VAPB: variants seen among roughly 807,000 people sequenced by gnomAD.
The protein encoded by VAPB is VAMP associated protein B and C.
Under a neutral mutation model 25.6 loss-of-function variants are expected in VAPB, and 7 were observed. The observed-to-expected ratio is 0.27, with a 90% confidence interval of 0.16 to 0.51. The LOEUF is 0.51. Ranked by LOEUF, VAPB falls within the 20% of genes least tolerant of loss-of-function variation. The pLI is 0.97. For synonymous variants in VAPB, 112 were observed against 109.2 expected (o/e 1.03, Z -0.16); for missense variants, 266 against 301.3 (o/e 0.88, Z 0.87).
In VAPB at chr20:58,445,829, G is replaced by A. The variant is rs889424965; in HGVS notation, c.*1594G>A. ...CCATTGCTTTGGCCTTCAGTAAAAA[G>A]CAGCCTCCCTTCTAGGTCAGGGAAC... On this transcript the variant is annotated 3_prime_UTR_variant, in exon 6 of 6. Transcript: ENST00000475243. The A allele has an allele frequency of 4.4e-6, 2 of 453,868 alleles. No homozygotes were observed. Among genetic ancestry groups the A allele is most frequent in the African/African-American group, 2.0e-5 (1 of 50,022 alleles). The allele number at this position is 453,868 out of a possible 1,614,324, so 28.1% of individuals were successfully genotyped here.
rs1382494892 is a variant in VAPB at position 58,445,545 on chromosome 20, A to G, written c.*1310A>G. On this transcript the variant is annotated 3_prime_UTR_variant, in exon 6 of 6. Coordinates refer to ENST00000475243, the MANE Select transcript of VAPB (RefSeq NM_004738.5). The stretch of plus-strand genomic sequence containing the variant: ...AGAAAAATTATAATAAAGCCCCAAA[A>G]TTAAGAATTCTTTTGTCATTTTGTC... 3 of 454,376 alleles carry G rather than the reference A, an allele frequency of 6.6e-6. No homozygotes were observed. Among genetic ancestry groups the G allele is most frequent in the Non-Finnish European group, 8.8e-6 (2 of 226,750 alleles). 28.1% of individuals were successfully genotyped at this position (454,376 alleles called of 1,614,324 possible). A position where few individuals can be genotyped will look rare whatever the true frequency, so the allele number is the denominator to read the frequency against.
rs569631620 is a variant in VAPB, at chr20:58,450,395, G to C, written c.*6160G>C. Reference sequence around the variant, plus strand: ...ATGAGGTGCTGCGAAATTAGTGGGCGTGGCTTTTTATATTTTTCATTCGTG... The same window carrying C: ...ATGAGGTGCTGCGAAATTAGTGGGCCTGGCTTTTTATATTTTTCATTCGTG... On this transcript the variant is annotated 3_prime_UTR_variant, in exon 6 of 6. Transcript: ENST00000475243. The C allele has an allele frequency of 2.2e-6, 1 of 453,838 alleles. No homozygotes were observed. Among genetic ancestry groups the C allele is most frequent in the Non-Finnish European group, 4.4e-6 (1 of 226,742 alleles). The allele number at this position is 453,838 out of a possible 1,614,324, so 28.1% of individuals were successfully genotyped here. A position where few individuals can be genotyped will look rare whatever the true frequency, so the allele number is the denominator to read the frequency against.
At chr20:58,423,367 G>A (rs1245661689) in intron 2 of VAPB, among the ~76,000 whole-genome samples, 3 of 118,634 alleles carry the variant, frequency 2.5e-5, no homozygotes, top group African/African-American at 9.9e-5. Context: ...AGCCAAGATC[G>A]CGCCATTGCA....
At chr20:58,415,569 G>A (rs1367029233) in intron 1 of VAPB, among the ~76,000 whole-genome samples, 4 of 152,258 alleles carry the variant, frequency 2.6e-5, no homozygotes, top group African/African-American at 7.2e-5. Context: ...AGTGTATGCT[G>A]TGGTTCTAGA....
At chr20:58,393,569 A>G (rs1398611356) in intron 1 of VAPB, among the ~76,000 whole-genome samples, 2 of 152,072 alleles carry the variant, frequency 1.3e-5, no homozygotes, top group Non-Finnish European at 2.9e-5. Context: ...CTTCCATGAG[A>G]GTCCATCTGT....
At chr20:58,439,080 C>T (rs758279769) in intron 4 of VAPB, 55 bp downstream of exon 4, 53 of 1,497,492 alleles carry the variant, frequency 3.5e-5, no homozygotes, top group Non-Finnish European at 4.6e-5. Flanking sequence ...TACTTATTTG[C>T]ATACCATTTC....
At chr20:58,414,685 C>T (rs1043977511) in intron 1 of VAPB, among the ~76,000 whole-genome samples, 7 of 151,896 alleles carry the variant, frequency 4.6e-5, no homozygotes, top group Admixed American at 2.0e-4. Flanking sequence ...GAAAGAGGCG[C>T]TCCTCACCTC....
At chr20:58,431,857 C>T (rs2123084460) in intron 2 of VAPB, among the ~76,000 whole-genome samples, 1 of 152,266 alleles carries the variant, frequency 6.6e-6, no homozygotes, top group South Asian at 2.1e-4. Context: ...CCATGCCTGG[C>T]AGCCCTTATC....
chr20:58,416,186 C>G (rs1477203124), intron 1 of VAPB, among the ~76,000 whole-genome samples: 2 of 152,070 alleles, frequency 1.3e-5, no homozygotes, highest in Non-Finnish European at 2.9e-5. Flanking sequence ...TATTGCTTGT[C>G]TTTTAATAGT....
chr20:58,424,619 T>C (rs1309009891), intron 2 of VAPB, among the ~76,000 whole-genome samples: 2 of 152,234 alleles, frequency 1.3e-5, no homozygotes, highest in African/African-American at 4.8e-5. Context: ...TTGAAAAGTA[T>C]GTTGGATTTT....
At chr20:58,392,497 G>C (rs997770222) in intron 1 of VAPB, among the ~76,000 whole-genome samples, 6 of 152,220 alleles carry the variant, frequency 3.9e-5, no homozygotes, top group Non-Finnish European at 8.8e-5. Context: ...GTCATGAGGT[G>C]TGTTGTTTGT....
intron 5 of VAPB, 129 bp from the exon 6 acceptor site, chr20:58,443,948 G>C (rs1989217169): frequency 7.3e-7 from 1 of 1,360,990 alleles, no homozygotes; most frequent in Non-Finnish European, 1.0e-6. Flanking sequence ...TTCTCCGTTT[G>C]CAAAATGCGG....
chr20:58,392,884 G>A (rs1987842733), intron 1 of VAPB, among the ~76,000 whole-genome samples: 1 of 152,220 alleles, frequency 6.6e-6, no homozygotes, highest in Non-Finnish European at 1.5e-5. Context: ...GTACTATGCT[G>A]CATCATAAAT....
chr20:58,421,971 C>A (rs896170302), intron 2 of VAPB, among the ~76,000 whole-genome samples: 1 of 152,172 alleles, frequency 6.6e-6, no homozygotes, highest in African/African-American at 2.4e-5. Context: ...TTCTTCAGAA[C>A]ACGGCAGATC....
In VAPB at chr20:58,450,890, T is replaced by C. The variant is rs1362711754; in HGVS notation, c.*6655T>C. The C allele has an allele frequency of 2.2e-6, 1 of 454,032 alleles. No individual in the cohort carries two copies. The highest frequency in any genetic ancestry group is 4.4e-6 in the Non-Finnish European group (1 of 226,806). 28.1% of individuals were successfully genotyped at this position (454,032 alleles called of 1,614,324 possible). On this transcript the variant is annotated 3_prime_UTR_variant, in exon 6 of 6. Transcript: ENST00000475243. ...TGTTGCACATTTTGGTTTTCTGATATGTAATAAATTCATGGCTTGGCAGCT... is the reference window on the plus strand; with the variant it reads ...TGTTGCACATTTTGGTTTTCTGATACGTAATAAATTCATGGCTTGGCAGCT...
At chr20:58,398,063 A>G (rs569179313) in intron 1 of VAPB, among the ~76,000 whole-genome samples, 1 of 152,308 alleles carries the variant, frequency 6.6e-6, no homozygotes, top group Admixed American at 6.5e-5. Flanking sequence ...TATAAGTTGA[A>G]AACATATTAG....
intron 1 of VAPB, among the ~76,000 whole-genome samples, chr20:58,396,899 A>G (rs1600771062): frequency 6.7e-6 from 1 of 148,562 alleles, no homozygotes. Context: ...TTTCTGCTGG[A>G]TGAGGCTGCA....
intron 2 of VAPB, among the ~76,000 whole-genome samples, chr20:58,419,682 G>A (rs1342654704): frequency 1.3e-5 from 2 of 152,180 alleles, no homozygotes; most frequent in East Asian, 1.9e-4. Context: ...GAGAAAGGAA[G>A]GAACTGGGAT....
In VAPB at chr20:58,450,155, CTTTT is replaced by C. The variant is rs1177716580; in HGVS notation, c.*5921_*5924del. The C allele has an allele frequency of 8.8e-6, 4 of 453,870 alleles. No homozygotes were observed. The highest frequency in any genetic ancestry group is 6.9e-5 in the East Asian group (1 of 14,406). 28.1% of individuals were successfully genotyped at this position (453,870 alleles called of 1,614,324 possible). On this transcript the variant is annotated 3_prime_UTR_variant, in exon 6 of 6. Transcript: ENST00000475243. ...ACTGGCTGCCTGCATTCCCGTCTTTCTTTTGTTTTTAAGAAATAGACTGAATTCA... is the reference window on the plus strand; with the variant it reads ...ACTGGCTGCCTGCATTCCCGTCTTTCGTTTTTAAGAAATAGACTGAATTCA...
Sources: gnomAD v4.1 joint callset for allele counts (sites outside exome capture counted in the v4.1 genomes callset) on GRCh38, gnomAD v4.1.1 for gene constraint, MANE v1.5 for transcripts, NCBI Gene and HGNC (gene_info 2026-07-23, HGNC 2026-07-21) for gene names.